Variants in FOXP2 observed in about 807,000 individuals in gnomAD.
FOXP2 encodes forkhead box P2.
Under a neutral mutation model 115.8 loss-of-function variants are expected in FOXP2, and 12 were observed. That is an observed-to-expected ratio of 0.10 (90% CI 0.07 to 0.17). The LOEUF is 0.17. Ranked by LOEUF, FOXP2 falls within the 10% of genes least tolerant of loss-of-function variation. The pLI, the probability that FOXP2 is intolerant of heterozygous loss-of-function variation, is 1.00. For synonymous variants in FOXP2, 328 were observed against 297.7 expected (o/e 1.10, Z -1.05); for missense variants, 629 against 843.5 (o/e 0.75, Z 3.15).
At chr7:114,432,966 A>T (rs1794181857) in intron 2 of FOXP2, among the ~76,000 whole-genome samples, 1 of 151,700 alleles carries the variant, frequency 6.6e-6, no homozygotes, top group South Asian at 2.1e-4. Flanking sequence ...TTTACAGTTC[A>T]CTCCTGCAGT....
intron 16 of FOXP2, among the ~76,000 whole-genome samples, chr7:114,670,782 A>C (rs1317846507): frequency 4.6e-5 from 7 of 151,990 alleles, no homozygotes; most frequent in Non-Finnish European, 1.0e-4. Context: ...CAGATCTTAG[A>C]TCTCTCTGTG....
chr7:114,513,997 A>AT (rs1398261787), intron 2 of FOXP2, among the ~76,000 whole-genome samples: 1 of 151,958 alleles, frequency 6.6e-6, no homozygotes, highest in African/African-American at 2.4e-5. Flanking sequence ...TATCACTAAC[A>AT]TTTTTTAAAT....
intron 2 of FOXP2, among the ~76,000 whole-genome samples, chr7:114,373,307 G>A (rs899825736): frequency 1.3e-5 from 2 of 152,082 alleles, no homozygotes; most frequent in Non-Finnish European, 2.9e-5. Context: ...GGCGTGAGCA[G>A]TCGCGCCCAG....
intron 2 of FOXP2, among the ~76,000 whole-genome samples, chr7:114,526,599 A>C (rs1798886929): frequency 6.6e-6 from 1 of 152,072 alleles, no homozygotes; most frequent in Admixed American, 6.6e-5. Flanking sequence ...GGTTTTCCCC[A>C]TTAATTCCCT....
intron 2 of FOXP2, among the ~76,000 whole-genome samples, chr7:114,302,299 A>T (rs1796896724): frequency 6.6e-6 from 1 of 152,186 alleles, no homozygotes; most frequent in Admixed American, 6.6e-5. Context: ...GTCACAGCAT[A>T]TGAACTTTTG....
Position 114,193,568 on chromosome 7 carries a change from A to G in FOXP2, c.-102+30480A>G, listed in dbSNP as rs556716753. ...AGGGTCTAGAGTTAAATAACTATAA[A>G]CCTATTCATACCTAAAAGAATGTCC... is the stretch of plus-strand genomic sequence containing the variant. On this transcript the variant is annotated intron_variant, in intron 1 of 17. Transcript: ENST00000634411. 5.3e-5 allele frequency among the ~76,000 whole-genome samples: 8 copies of G among 152,072 alleles called. No individual in the cohort carries two copies. In the South Asian group the frequency reaches 6.2e-4, roughly 12 times the overall value.
chr7:114,161,776 A>G (rs984331816), upstream of FOXP2, among the ~76,000 whole-genome samples: 4 of 152,044 alleles, frequency 2.6e-5, no homozygotes, highest in African/African-American at 7.2e-5. Context: ...CACATGTTGA[A>G]GACATTTATC....
intron 1 of FOXP2, among the ~76,000 whole-genome samples, chr7:114,203,133 T>C (rs1794114516): frequency 6.6e-6 from 1 of 152,240 alleles, no homozygotes; most frequent in Non-Finnish European, 1.5e-5. Context: ...CATTGCCAAT[T>C]GTGTGGTCAT....
At chr7:114,318,586 A>G (rs1280561127) in intron 2 of FOXP2, among the ~76,000 whole-genome samples, 1 of 151,930 alleles carries the variant, frequency 6.6e-6, no homozygotes, top group Non-Finnish European at 1.5e-5. Flanking sequence ...AATGAATTTA[A>G]ACACAATGAT....
intron 3 of FOXP2, among the ~76,000 whole-genome samples, chr7:114,582,855 A>G (rs538531640): frequency 1.5e-4 from 23 of 152,314 alleles, no homozygotes; most frequent in African/African-American, 4.6e-4. Context: ...GAGAAACCCA[A>G]TAAACCAACC....
intron 3 of FOXP2, among the ~76,000 whole-genome samples, chr7:114,623,238 C>A (rs1335920914): frequency 6.6e-6 from 1 of 151,802 alleles, no homozygotes; most frequent in Non-Finnish European, 1.5e-5. Context: ...TTTTAGGAGC[C>A]TAATGAACAA....
intron 2 of FOXP2, among the ~76,000 whole-genome samples, chr7:114,393,984 G>T (rs1792674019): frequency 9.6e-6 from 1 of 104,430 alleles, no homozygotes. Flanking sequence ...GTGTGAGAGT[G>T]TGTGTGTGTG....
chr7:114,236,421 ACACATGTAGT>A (rs1165650986), intron 1 of FOXP2, among the ~76,000 whole-genome samples: 1 of 152,208 alleles, frequency 6.6e-6, no homozygotes, highest in Non-Finnish European at 1.5e-5. Context: ...TATTTCAGAA[ACACATGTAGT>A]CTAATCTATG....
intron 1 of FOXP2, among the ~76,000 whole-genome samples, chr7:114,133,915 A>C (rs1327533504): frequency 6.6e-6 from 1 of 152,182 alleles, no homozygotes; most frequent in Admixed American, 6.5e-5. Flanking sequence ...CCTTGAACTT[A>C]GCCTGCAGAA....
At chr7:114,479,430 T>C (rs73436117) in intron 2 of FOXP2, among the ~76,000 whole-genome samples, 1,692 of 151,422 alleles carry the variant, frequency 0.011, 16 homozygotes, top group Middle Eastern at 0.031. Context: ...AACATGGTAT[T>C]TACCTGGCAA....
chr7:114,478,205 A>G (rs892863613), intron 2 of FOXP2, among the ~76,000 whole-genome samples: 3 of 151,918 alleles, frequency 2.0e-5, no homozygotes, highest in African/African-American at 7.2e-5. Flanking sequence ...ATAATCCATC[A>G]TAATGAACCA....
intron 2 of FOXP2, among the ~76,000 whole-genome samples, chr7:114,307,210 T>C (rs1486837460): frequency 1.3e-5 from 2 of 152,046 alleles, no homozygotes; most frequent in Non-Finnish European, 2.9e-5. Flanking sequence ...ATTAAATCAT[T>C]CAATTTGTCT....
intron 2 of FOXP2, among the ~76,000 whole-genome samples, chr7:114,522,569 A>G (rs1308393761): frequency 3.9e-5 from 6 of 152,176 alleles, no homozygotes. Flanking sequence ...TCAATATAAG[A>G]AATAATTTTG....
At chr7:114,130,739 A>T (rs1008394299) in intron 1 of FOXP2, among the ~76,000 whole-genome samples, 1 of 152,244 alleles carries the variant, frequency 6.6e-6, no homozygotes, top group Non-Finnish European at 1.5e-5. Flanking sequence ...TACTACAGAA[A>T]ATATATGCAA....
Sources: gnomAD v4.1 joint callset for allele counts (sites outside exome capture counted in the v4.1 genomes callset) on GRCh38, gnomAD v4.1.1 for gene constraint, MANE v1.5 for transcripts, NCBI Gene and HGNC (gene_info 2026-07-23, HGNC 2026-07-21) for gene names.